The following GNAQ variants were observed in gnomAD, a reference collection of about 807,000 sequenced individuals.
The protein encoded by GNAQ is guanine nucleotide-binding protein G(q) subunit alpha.
Under a neutral mutation model 43.9 loss-of-function variants are expected in GNAQ, and 8 were observed. That is an observed-to-expected ratio of 0.18 (90% confidence interval 0.11 to 0.33). The LOEUF (loss-of-function observed/expected upper bound fraction) is 0.33. Ranked by LOEUF, GNAQ falls within the 10% of genes least tolerant of loss-of-function variation. The probability of loss-of-function intolerance (pLI) is 1.00; values close to 1 mark genes in which losing one functional copy is unlikely to be tolerated. For missense variants in GNAQ, 158 were observed against 450.8 expected (o/e 0.35, Z 5.88); for synonymous variants, 155 against 170.7 (o/e 0.91, Z 0.71).
At chr9:77,916,954 T>A (rs557697779) in intron 2 of GNAQ, among the ~76,000 whole-genome samples, 3 of 152,322 alleles carry the variant, frequency 2.0e-5, no homozygotes, top group Non-Finnish European at 4.4e-5. Flanking sequence ...TATTTCACAG[T>A]TCATAGAGAT....
At chr9:77,991,164 T>C (rs1433691459) in intron 1 of GNAQ, among the ~76,000 whole-genome samples, 2 of 152,356 alleles carry the variant, frequency 1.3e-5, no homozygotes, top group African/African-American at 4.8e-5. Context: ...TGACATATCA[T>C]TTGTTCACTC....
intron 2 of GNAQ, among the ~76,000 whole-genome samples, chr9:77,841,836 G>A (rs1441937622): frequency 2.6e-5 from 4 of 152,168 alleles, no homozygotes; most frequent in South Asian, 2.1e-4. Flanking sequence ...TGAGTCATAA[G>A]TTCTTAGTAG....
intron 1 of GNAQ, among the ~76,000 whole-genome samples, chr9:78,010,376 G>T (rs1466770819): frequency 6.6e-6 from 1 of 152,148 alleles, no homozygotes; most frequent in Admixed American, 6.6e-5. Flanking sequence ...TCAGCTCAAT[G>T]AAAGATTTCT....
Position 77,717,788 on chromosome 9 carries a change from C to T in GNAQ, c.*3535G>A, listed in dbSNP as rs1276719298. On this transcript the variant is annotated 3_prime_UTR_variant, in exon 7 of 7. Transcript: ENST00000286548. ...TTCAGATTCCTTTTGTAGTTGTCATCTGCTAGTAAACAACATATGCAGGTT... is the reference window on the plus strand; with the variant it reads ...TTCAGATTCCTTTTGTAGTTGTCATTTGCTAGTAAACAACATATGCAGGTT... 4.3e-6 allele frequency: 1 copy of T among 231,292 alleles called. No individual in the cohort carries two copies. Among genetic ancestry groups the T allele is most frequent in the Admixed American group, 5.7e-5 (1 of 17,680 alleles). 14.3% of individuals were successfully genotyped at this position (231,292 alleles called of 1,614,324 possible).
intron 1 of GNAQ, among the ~76,000 whole-genome samples, chr9:77,938,345 G>A (rs1008583223): frequency 1.3e-5 from 2 of 152,138 alleles, no homozygotes; most frequent in Admixed American, 1.3e-4. Context: ...TGTAACACAT[G>A]ACAGAGTTTG....
intron 2 of GNAQ, among the ~76,000 whole-genome samples, chr9:77,900,947 T>C (rs1446461890): frequency 6.6e-6 from 1 of 152,118 alleles, no homozygotes; most frequent in African/African-American, 2.4e-5. Context: ...TCAAATAGTT[T>C]CCCTCTTTAC....
intron 1 of GNAQ, among the ~76,000 whole-genome samples, chr9:77,980,722 G>T (rs2118493115): frequency 6.6e-6 from 1 of 151,872 alleles, no homozygotes; most frequent in African/African-American, 2.4e-5. Flanking sequence ...AAAAAGAAAG[G>T]CTTTGTATGT....
intron 2 of GNAQ, among the ~76,000 whole-genome samples, chr9:77,820,051 GAGCCAGACA>G (rs1281520009): frequency 7.7e-6 from 1 of 129,862 alleles, no homozygotes; most frequent in Non-Finnish European, 1.6e-5. Context: ...ACTCGAAGAA[GAGCCAGACA>G]CTTAAGGCTA....
At chr9:77,963,723 T>C (rs544145085) in intron 1 of GNAQ, among the ~76,000 whole-genome samples, 55 of 152,104 alleles carry the variant, frequency 3.6e-4, no homozygotes, top group Non-Finnish European at 6.6e-4. Context: ...TTTGAGAAAG[T>C]TAGTCAAAAC....
intron 1 of GNAQ, among the ~76,000 whole-genome samples, chr9:77,949,710 A>G (rs1822953382): frequency 6.6e-6 from 1 of 152,166 alleles, no homozygotes. Context: ...GGTCTACCAG[A>G]GCTGGGAGCT....
At chr9:77,940,689 T>TGC (rs1390881997) in intron 1 of GNAQ, among the ~76,000 whole-genome samples, 2 of 152,202 alleles carry the variant, frequency 1.3e-5, no homozygotes, top group Non-Finnish European at 1.5e-5. Context: ...GCAAGTCGGC[T>TGC]GCGCGCGGTG....
chr9:77,954,935 A>T (rs1206975109), intron 1 of GNAQ, among the ~76,000 whole-genome samples: 1 of 152,182 alleles, frequency 6.6e-6, no homozygotes, highest in Non-Finnish European at 1.5e-5. Flanking sequence ...TAACATGTTC[A>T]ATTTTCATTA....
chr9:77,811,664 G>A (rs995729918), intron 3 of GNAQ, among the ~76,000 whole-genome samples: 1 of 152,192 alleles, frequency 6.6e-6, no homozygotes, highest in African/African-American at 2.4e-5. Flanking sequence ...TCCTATTTCT[G>A]TTGAGAGGTT....
chr9:78,016,775 T>C (rs1023740190), intron 1 of GNAQ, among the ~76,000 whole-genome samples: 3 of 152,230 alleles, frequency 2.0e-5, no homozygotes, highest in African/African-American at 4.8e-5. Flanking sequence ...TTAATTATTT[T>C]TGTAGGCATG....
chr9:78,017,612 T>C (rs1330351369), intron 1 of GNAQ, among the ~76,000 whole-genome samples: 1 of 152,176 alleles, frequency 6.6e-6, no homozygotes, highest in Non-Finnish European at 1.5e-5. Flanking sequence ...CTAGCTTTCA[T>C]GGAATATCTA....
At chr9:77,788,619 G>A (rs1263785514) in intron 5 of GNAQ, among the ~76,000 whole-genome samples, 1 of 152,068 alleles carries the variant, frequency 6.6e-6, no homozygotes, top group Non-Finnish European at 1.5e-5. Context: ...TTTTACTTGT[G>A]TGAAAAATGA....
At chr9:77,964,434 G>A (rs758862985) in intron 1 of GNAQ, among the ~76,000 whole-genome samples, 1 of 152,126 alleles carries the variant, frequency 6.6e-6, no homozygotes, top group African/African-American at 2.4e-5. Context: ...TAACAACCCT[G>A]TTAACCACTT....
intron 2 of GNAQ, among the ~76,000 whole-genome samples, chr9:77,853,016 C>T (rs974249024): frequency 3.9e-5 from 6 of 152,170 alleles, no homozygotes; most frequent in South Asian, 2.1e-4. Context: ...AAAGAACATA[C>T]ATTTTTCCTT....
At chr9:77,937,773 T>A (rs886182067) in intron 1 of GNAQ, among the ~76,000 whole-genome samples, 1 of 152,070 alleles carries the variant, frequency 6.6e-6, no homozygotes, top group Non-Finnish European at 1.5e-5. Context: ...ATGCCTGTAG[T>A]CCCAGCTACT....
Sources: allele counts gnomAD v4.1 joint callset (sites outside exome capture counted in the v4.1 genomes callset), GRCh38; gene constraint gnomAD v4.1.1; transcripts MANE v1.5; gene names NCBI Gene and HGNC (gene_info 2026-07-23, HGNC 2026-07-21).